IFNGR2: variants seen among roughly 807,000 people sequenced by gnomAD.
IFNGR2 encodes the protein IFN-gamma receptor 2.
In IFNGR2, 15 loss-of-function variants were observed where a neutral mutation model predicts 41.1. The ratio of observed to expected loss-of-function variants is 0.37; its 90% confidence interval spans 0.24 to 0.56. IFNGR2 has a LOEUF of 0.56. IFNGR2 is among the 20% of genes least tolerant of loss of function. The probability of loss-of-function intolerance (pLI) is 0.81; values close to 1 mark genes in which losing one functional copy is unlikely to be tolerated. For synonymous variants in IFNGR2, 161 were observed against 171.6 expected (o/e 0.94, Z 0.48); for missense variants, 362 against 415.7 (o/e 0.87, Z 1.12).
Position 33,411,607 on chromosome 21 carries a change from T to C in IFNGR2, c.74-3281T>C, listed in dbSNP as rs1380077716. 1.4e-5 allele frequency: 6 copies of C among 442,274 alleles called. No homozygotes were observed. The East Asian group carries it at 4.3e-4, about 32-fold the overall frequency. 27.4% of individuals were successfully genotyped at this position (442,274 alleles called of 1,614,324 possible). On this transcript the variant is annotated intron_variant, in intron 1 of 6. Transcript: ENST00000290219. Reference sequence around the variant, plus strand: ...TAAGAGCCCTGATGTGGGGAGATTGTCTTGCATTGTTGGGCCAAGTGGCCT... The same window carrying C: ...TAAGAGCCCTGATGTGGGGAGATTGCCTTGCATTGTTGGGCCAAGTGGCCT...
chr21:33,412,063 A>G (rs534503512), intron 1 of IFNGR2, among the ~76,000 whole-genome samples: 1 of 152,158 alleles, frequency 6.6e-6, no homozygotes, highest in African/African-American at 2.4e-5. Context: ...AGCTGGGACT[A>G]CAGGTGCGCA....
At chr21:33,411,019 G>A in intron 1 of IFNGR2, 1 of 719,650 alleles carries the variant, frequency 1.4e-6, no homozygotes, top group South Asian at 1.6e-5. Context: ...ACAGAGGCTG[G>A]GCTGCCCAAG....
At chr21:33,436,004 T>C (rs1257689112) in intron 6 of IFNGR2, among the ~76,000 whole-genome samples, 1 of 150,910 alleles carries the variant, frequency 6.6e-6, no homozygotes, top group African/African-American at 2.4e-5. Context: ...GAAGTTGCAG[T>C]GAGCCGAGAT....
intron 6 of IFNGR2, among the ~76,000 whole-genome samples, chr21:33,434,119 T>TTTTCCTGCATAACCCCAGCCC (rs2083919260): frequency 2.0e-5 from 3 of 152,178 alleles, no homozygotes; most frequent in African/African-American, 7.2e-5. Context: ...GAAAGTCTTA[T>TTTTCCTGCATAACCCCAGCCC]TTTCCTGCAT....
intron 1 of IFNGR2, among the ~76,000 whole-genome samples, chr21:33,405,068 C>T (rs2083667718): frequency 6.7e-6 from 1 of 148,942 alleles, no homozygotes; most frequent in Non-Finnish European, 1.5e-5. Flanking sequence ...CACCACTGCA[C>T]TCCCGCCTGG....
Position 33,421,553 on chromosome 21 carries a change from T to C in IFNGR2, c.280T>C (p.Cys94Arg). Reference sequence around the variant, plus strand: ...TTGTACACAGATCACAGCAACAGAGTGTGACTTCACTGCCGCCAGTCCCTC... The same window carrying C: ...TTGTACACAGATCACAGCAACAGAGCGTGACTTCACTGCCGCCAGTCCCTC... ...VNCTQITATE[C>R]DFTAASPSAG... Residue 94 changes from cysteine (C) to arginine (R), a missense_variant, in exon 3 of 7, where the codon TGT becomes CGT. Transcript: ENST00000290219. 1 of 1,613,782 alleles carries C rather than the reference T, an allele frequency of 6.2e-7. No homozygotes were observed. Among genetic ancestry groups the C allele is most frequent in the Non-Finnish European group, 8.5e-7 (1 of 1,179,928 alleles).
chr21:33,436,404 T>C (rs930039293), intron 6 of IFNGR2, among the ~76,000 whole-genome samples: 8 of 151,786 alleles, frequency 5.3e-5, no homozygotes, highest in African/African-American at 1.9e-4. Context: ...TCAACTTATA[T>C]CTGAATAAAA....
At chr21:33,417,950 T>G (rs763553605) in intron 2 of IFNGR2, among the ~76,000 whole-genome samples, 3 of 152,232 alleles carry the variant, frequency 2.0e-5, no homozygotes, top group Non-Finnish European at 2.9e-5. Flanking sequence ...CTAACCTGTT[T>G]CACTTTGTCT....
At chr21:33,434,897 CCTCTGAGACATGA>C (rs2083929348) in intron 6 of IFNGR2, among the ~76,000 whole-genome samples, 1 of 152,144 alleles carries the variant, frequency 6.6e-6, no homozygotes, top group African/African-American at 2.4e-5. Flanking sequence ...ATGAGTCATT[CCTCTGAGACATGA>C]ACAGAAAACA....
At chr21:33,412,317 C>T (rs1601070514) in intron 1 of IFNGR2, among the ~76,000 whole-genome samples, 4 of 152,100 alleles carry the variant, frequency 2.6e-5, no homozygotes, top group African/African-American at 4.8e-5. Flanking sequence ...ACAGGAAGGT[C>T]GGAGATAATC....
At chr21:33,427,898 T>G (rs2083853532) in intron 4 of IFNGR2, among the ~76,000 whole-genome samples, 1 of 148,144 alleles carries the variant, frequency 6.8e-6, no homozygotes, top group Admixed American at 7.0e-5. Context: ...CCCAGCTAGT[T>G]TTTGTATTTT....
chr21:33,424,684 T>C (rs1353278921), intron 3 of IFNGR2, among the ~76,000 whole-genome samples: 1 of 152,220 alleles, frequency 6.6e-6, no homozygotes, highest in Non-Finnish European at 1.5e-5. Flanking sequence ...GGGCAAGTAG[T>C]GTCACCTCCT....
intron 2 of IFNGR2, among the ~76,000 whole-genome samples, chr21:33,416,930 T>TC (rs1237551105): frequency 2.0e-5 from 3 of 149,266 alleles, no homozygotes; most frequent in South Asian, 2.1e-4. Context: ...TTTTTCTTTT[T>TC]TTTTTTTTTT....
chr21:33,405,460 A>T (rs892221142), intron 1 of IFNGR2, among the ~76,000 whole-genome samples: 1 of 152,068 alleles, frequency 6.6e-6, no homozygotes, highest in African/African-American at 2.4e-5. Context: ...CAATCTGCAT[A>T]TGCCTCCTCC....
rs1461691643 is a variant in IFNGR2 at position 33,432,226 on chromosome 21, C to T, written c.611C>T (p.Pro204Leu). ...TCCATTTCATTGGATAACTTAAAAC[C>T]CTCCAGAGTGTACTGTTTACAAGTC... ...SNSISLDNLK[P>L]SRVYCLQVQA... The change falls in exon 5 of 7, where the codon CCC becomes CTC. Residue 204 changes from proline to leucine, a missense_variant. By Grantham distance (98) the Pro-to-Leu change is moderately conservative. Transcript: ENST00000290219. The T allele has an allele frequency of 1.2e-6, 2 of 1,614,026 alleles. No individual in the cohort carries two copies. The highest frequency in any genetic ancestry group is 1.7e-6 in the Non-Finnish European group (2 of 1,179,854).
intron 4 of IFNGR2, among the ~76,000 whole-genome samples, chr21:33,429,839 T>C (rs1253725387): frequency 6.6e-6 from 1 of 152,044 alleles, no homozygotes; most frequent in Non-Finnish European, 1.5e-5. Context: ...AGGGATAAAC[T>C]TGAAATCCAA....
At chr21:33,417,773 G>A (rs1288369127) in intron 2 of IFNGR2, among the ~76,000 whole-genome samples, 1 of 152,120 alleles carries the variant, frequency 6.6e-6, no homozygotes, top group Non-Finnish European at 1.5e-5. Context: ...AGCTTGTTGT[G>A]AGAGTCACGG....
At chr21:33,405,103 GAAA>G (rs3057379) in intron 1 of IFNGR2, among the ~76,000 whole-genome samples, 52,205 of 119,556 alleles carry the variant, frequency 0.44, 9,507 homozygotes, top group Middle Eastern at 0.46. Flanking sequence ...CTCTGTCTCA[GAAA>G]AAAAAAAAAA....
rs35945253 is a variant in IFNGR2 at position 33,419,459 on chromosome 21, T to TTGTGTGTG, written c.207-2005_207-1998dup. Among the ~76,000 whole-genome samples, 133 of 150,090 alleles carry TTGTGTGTG rather than the reference T, an allele frequency of 8.9e-4. 2 individuals are homozygous for TTGTGTGTG. The highest frequency in any genetic ancestry group is 1.3e-3 in the South Asian group (6 of 4,750). On this transcript the variant is annotated intron_variant, in intron 2 of 6. Transcript: ENST00000290219. ...CTAAATTCGTTCTCTTGTTTGAAAA[T>TTGTGTGTG]TGTGTGTGTGTGTGTGTGTGTGTAA... is the stretch of plus-strand genomic sequence containing the variant.
Sources: allele counts gnomAD v4.1 joint callset (sites outside exome capture counted in the v4.1 genomes callset), GRCh38; gene constraint gnomAD v4.1.1; transcripts MANE v1.5; gene names NCBI Gene and HGNC (gene_info 2026-07-23, HGNC 2026-07-21).